SPAG5: variants seen among roughly 807,000 people sequenced by gnomAD.
SPAG5 encodes sperm-associated antigen 5.
A neutral mutation model predicts 145.4 loss-of-function variants in SPAG5; 99 were observed. The ratio of observed to expected loss-of-function variants is 0.68; its 90% CI spans 0.58 to 0.80. SPAG5 has a LOEUF of 0.80. Among genes scored for constraint, SPAG5 ranks in the 30% least tolerant of loss-of-function variants. SPAG5 has a pLI of 0.00. For synonymous variants in SPAG5, 477 were observed against 525.4 expected, an observed-to-expected ratio of 0.91 and a Z score of 1.26; for missense variants, 1,192 against 1,416.0, an observed-to-expected ratio of 0.84 and a Z score of 2.54.
chr17:28,598,452 C>A (rs1567628189), intron 2 of SPAG5, 58 bp downstream of exon 2: 1 of 1,582,518 alleles, frequency 6.3e-7, no homozygotes, highest in South Asian at 1.1e-5. Context: ...CCTCTGTTCC[C>A]CTGAGCTCTC....
Position 28,598,635 on chromosome 17 carries a change from C to T in SPAG5, c.52G>A (p.Gly18Arg), listed in dbSNP as rs762761705. The change falls in exon 2 of 24, where the codon GGA (glycine) becomes AGA (arginine). Residue 18 changes from glycine (G) to arginine (R), a missense_variant and splice_region_variant. Physicochemically the swap from Gly to Arg is moderately radical, Grantham distance 125. Coordinates refer to ENST00000321765, the MANE Select transcript of SPAG5 (RefSeq NM_006461.4). ...AGAGGAGTTCTCATAGATGGTTTTCCCTGAGAAAGAAACCAAGAAAGAGGG... is the reference window on the plus strand; with the variant it reads ...AGAGGAGTTCTCATAGATGGTTTTCTCTGAGAAAGAAACCAAGAAAGAGGG... The part of the protein sequence containing the change: ...SLSLSPSPQT[G>R]KPSMRTPLRE... 31 of 1,590,380 alleles carry T rather than the reference C, an allele frequency of 1.9e-5. No individual in the cohort carries two copies. In the East Asian group the frequency reaches 5.6e-4, roughly 29 times the overall value.
Position 28,578,404 on chromosome 17 carries a change from C to T in SPAG5, c.3323G>A (p.Trp1108Ter). 1 of 1,614,170 alleles carries T rather than the reference C, an allele frequency of 6.2e-7. No individual in the cohort carries two copies. The highest frequency in any genetic ancestry group is 8.5e-7 in the Non-Finnish European group (1 of 1,180,024). ...DSNCQPMATNWIQEKVWLSQE... is the reference protein window; with the variant it reads ...DSNCQPMATN Reference sequence around the variant, plus strand: ...AGAGAGCCACACTTTCTCCTGGATCCAATTGGTGGCCATAGGCTGGCAGTT... The same window carrying T: ...AGAGAGCCACACTTTCTCCTGGATCTAATTGGTGGCCATAGGCTGGCAGTT... The change falls in exon 21 of 24, where the codon TGG becomes TAG. Residue 1108 changes from tryptophan to a stop codon, truncating the protein, a stop_gained. Coordinates refer to ENST00000321765, the MANE Select transcript of SPAG5 (RefSeq NM_006461.4). LOFTEE classifies it high-confidence loss of function.
chr17:28,579,872 C>CT, intron 16 of SPAG5, 35 bp from the exon 17 acceptor site: 1 of 1,597,646 alleles, frequency 6.3e-7, no homozygotes, highest in African/African-American at 1.3e-5. Context: ...GAGGGCCCCT[C>CT]TGATGATCCA....
chr17:28,579,754 C>G lies in SPAG5; in HGVS notation c.2881G>C (p.Ala961Pro). The G allele has an allele frequency of 6.2e-7, 1 of 1,613,672 alleles. No individual in the cohort carries two copies. The highest frequency in any genetic ancestry group is 8.5e-7 in the Non-Finnish European group (1 of 1,179,558). ...GATCCCTGGAGCCCCTCCTAACCTG[C>G]GGGCTGAAGGGAAACCATTGATGCT... ...RVASMVSLQP[A>P]ETPGMEESLA... The change falls in exon 17 of 24, where the codon GCA (alanine) becomes CCA (proline). Residue 961 changes from alanine (A) to proline (P), a missense_variant. Around this residue, in one of 5 missense-constraint regions of SPAG5, gnomAD observed 709 missense variants for 840.7 expected, o/e 0.84. Transcript: ENST00000321765.
At chr17:28,590,366 C>T (rs1049402817) in intron 4 of SPAG5, among the ~76,000 whole-genome samples, 1 of 151,986 alleles carries the variant, frequency 6.6e-6, no homozygotes, top group African/African-American at 2.4e-5. Flanking sequence ...GTAGCTGGGA[C>T]TACAGGCACA....
Position 28,586,057 on chromosome 17 carries a change from ACAGGCCTCCACCTCCATCTT to A in SPAG5, c.1605+13_1605+32del. ...CCTCTTTATGGCTTTTAGTCCCACC[ACAGGCCTCCACCTCCATCTT>A]CAGGCTGCTTACCTCCTGACTCACA... On this transcript the variant is annotated intron_variant, in intron 6 of 23. Coordinates refer to ENST00000321765, the MANE Select transcript of SPAG5 (RefSeq NM_006461.4). 6.2e-7 allele frequency: 1 copy of A among 1,613,750 alleles called. No homozygotes were observed. The highest frequency in any genetic ancestry group is 1.3e-5 in the African/African-American group (1 of 75,034).
In SPAG5 at chr17:28,580,041, A is replaced by G; in HGVS notation, c.2765T>C (p.Leu922Pro). 6.2e-7 allele frequency: 1 copy of G among 1,614,030 alleles called. No individual in the cohort carries two copies. Among genetic ancestry groups the G allele is most frequent in the East Asian group, 2.2e-5 (1 of 44,882 alleles). ...EHPLPNDRTF[L>P]GSILTAVADE... ...TGCCACTGCTGTCAAGATGCTTCCC[A>G]GGAAGGTCCTGTCATTAGGCAGAGG... Residue 922 changes from leucine (L) to proline (P), a missense_variant, in exon 16 of 24, where the codon CTG becomes CCG. Transcript: ENST00000321765.
rs2070572185 is a variant in SPAG5 at position 28,584,690 on chromosome 17, G to T, written c.2123C>A (p.Thr708Lys). The change falls in exon 11 of 24, where the codon ACA becomes AAA. Residue 708 changes from threonine to lysine, a missense_variant. Transcript: ENST00000321765. ...SAQLEECKGQ[T>K]EQLELENSRL... ...ACTGTTTTCCAACTCCAGTTGTTCT[G>T]TTTGGCCTTTGCACTCCTCTAACTG... 1 of 1,614,148 alleles carries T rather than the reference G, an allele frequency of 6.2e-7. No homozygotes were observed. The highest frequency in any genetic ancestry group is 8.5e-7 in the Non-Finnish European group (1 of 1,180,016).
At position 28,577,652 on chromosome 17, in the gene SPAG5, G is replaced by T. The variant is rs370205548; in HGVS notation, c.*47C>A. Reference sequence around the variant, plus strand: ...GTTGGTCTTGGTATTGGGGTAAGGGGGTATTGCAGGTAAAAAGAGGTGAAG... The same window carrying T: ...GTTGGTCTTGGTATTGGGGTAAGGGTGTATTGCAGGTAAAAAGAGGTGAAG... On this transcript the variant is annotated 3_prime_UTR_variant, in exon 24 of 24. Transcript: ENST00000321765. The T allele has an allele frequency of 3.1e-6, 4 of 1,306,376 alleles. No individual in the cohort carries two copies. The African/African-American group carries it at 5.8e-5, about 19-fold the overall frequency. 80.9% of individuals were successfully genotyped at this position (1,306,376 alleles called of 1,614,324 possible).
chr17:28,592,650 C>A lies in SPAG5; in HGVS notation c.594G>T (p.Pro198=), dbSNP rs769030227. ...GTGGAGACTCCTCTAAGAGATGGGA[C>A]GGAGATTCCTGAAAGATAGGTTTCT... ...VSEKPIFQES[P]SHLLEESPPN... The change falls in exon 3 of 24, where the codon CCG becomes CCT. Residue 198 remains proline, a synonymous_variant. Coordinates refer to ENST00000321765, the MANE Select transcript of SPAG5 (RefSeq NM_006461.4). 3 of 1,614,092 alleles carry A rather than the reference C, an allele frequency of 1.9e-6. No homozygotes were observed. Among genetic ancestry groups the A allele is most frequent in the Non-Finnish European group, 2.5e-6 (3 of 1,180,020 alleles).
At position 28,578,662 on chromosome 17, in the gene SPAG5, G is replaced by A. The variant is rs147464701; in HGVS notation, c.3198+10C>T. 1,868 of 1,613,028 alleles carry A rather than the reference G, an allele frequency of 1.2e-3. No individual in the cohort carries two copies. Among genetic ancestry groups the A allele is most frequent in the Non-Finnish European group, 1.2e-3 (1,440 of 1,179,024 alleles). ...AGAAGGCAAAGGCCTGGGCATGATG[G>A]TGAACATACTATGAGCTCGCCACTC... On this transcript the variant is annotated intron_variant, in intron 20 of 23. Transcript: ENST00000321765.
rs1328677700 is a variant in SPAG5 at position 28,578,083 on chromosome 17, A to G, written c.3437T>C (p.Ile1146Thr). 1 of 1,613,996 alleles carries G rather than the reference A, an allele frequency of 6.2e-7. No homozygotes were observed. Among genetic ancestry groups the G allele is most frequent in the Admixed American group, 1.7e-5 (1 of 60,030 alleles). The part of the protein sequence containing the change: ...LMIKFQSHRN[I>T]LEENLRRSDK... ...AGAGCGCCGAAGGTTCTCCTCTAGGATATTTCTCTAGAAAGCAAACAGATT... is the reference window on the plus strand; with the variant it reads ...AGAGCGCCGAAGGTTCTCCTCTAGGGTATTTCTCTAGAAAGCAAACAGATT... The change falls in exon 23 of 24, where the codon ATC becomes ACC. Residue 1146 changes from isoleucine (I) to threonine (T), a missense_variant. Transcript: ENST00000321765.
At chr17:28,595,150 C>T (rs1040620772) in intron 2 of SPAG5, among the ~76,000 whole-genome samples, 1 of 149,312 alleles carries the variant, frequency 6.7e-6, no homozygotes, top group Non-Finnish European at 1.5e-5. Context: ...CCCAGCTACT[C>T]GGGAGGCTGA....
chr17:28,593,818 C>T (rs761062186), intron 2 of SPAG5, among the ~76,000 whole-genome samples: 1 of 151,828 alleles, frequency 6.6e-6, no homozygotes, highest in Non-Finnish European at 1.5e-5. Context: ...ACAAAAAAAA[C>T]GAGTACTTAA....
At chr17:28,591,514 C>T (rs1483791516) in intron 4 of SPAG5, among the ~76,000 whole-genome samples, 184 bp downstream of exon 4, 2 of 152,240 alleles carry the variant, frequency 1.3e-5, no homozygotes, top group Admixed American at 6.5e-5. Context: ...GTCCTCCCAC[C>T]TTGGCCTCCC....
At chr17:28,578,792 G>T (rs1454632967) in intron 19 of SPAG5, 40 bp from the exon 20 acceptor site, 10 of 1,506,900 alleles carry the variant, frequency 6.6e-6, no homozygotes, top group Non-Finnish European at 8.3e-6. Flanking sequence ...ATGAAGAGCT[G>T]GTCTCTTCAC....
chr17:28,586,329 C>G, intron 5 of SPAG5, 96 bp downstream of exon 5: 1 of 1,243,348 alleles, frequency 8.0e-7, no homozygotes, highest in Non-Finnish European at 1.2e-6. Context: ...CCTTCACCAC[C>G]ACGACTTAGT....
At chr17:28,578,597 A>G (rs991369456) in intron 20 of SPAG5, 69 bp from the exon 21 acceptor site, 5 of 1,609,546 alleles carry the variant, frequency 3.1e-6, no homozygotes, top group African/African-American at 1.3e-5. Flanking sequence ...ACAAAAGCAA[A>G]CCATTTCTCA....
chr17:28,582,065 A>T (rs1389296832), intron 15 of SPAG5, among the ~76,000 whole-genome samples: 2 of 152,040 alleles, frequency 1.3e-5, no homozygotes, highest in South Asian at 2.1e-4. Flanking sequence ...TATTGAATCC[A>T]TTCACTCCAT....
Sources: allele counts gnomAD v4.1 joint callset (sites outside exome capture counted in the v4.1 genomes callset), GRCh38; gene constraint gnomAD v4.1.1; regional missense constraint gnomAD v4.1.1; transcripts MANE v1.5; gene names NCBI Gene and HGNC (gene_info 2026-07-23, HGNC 2026-07-21).